Variants in ATP8A2 observed in about 807,000 individuals in gnomAD.
ATP8A2 encodes the protein phospholipid-transporting ATPase IB.
ATP8A2 carries 100 observed loss-of-function variants against 165.6 expected under a neutral mutation model. That is an observed-to-expected ratio of 0.60 (90% CI 0.51 to 0.71). The LOEUF (loss-of-function observed/expected upper bound fraction) is 0.71. ATP8A2 is among the 30% of genes least tolerant of loss of function. The pLI, the probability that ATP8A2 is intolerant of heterozygous loss-of-function variation, is 0.00. For synonymous variants in ATP8A2, 543 were observed against 548.8 expected (o/e 0.99, Z 0.15); for missense variants, 1,227 against 1,479.5 (o/e 0.83, Z 2.80).
intron 33 of ATP8A2, among the ~76,000 whole-genome samples, chr13:25,877,455 T>C (rs1266780878): frequency 6.6e-6 from 1 of 152,242 alleles, no homozygotes; most frequent in East Asian, 1.9e-4. Flanking sequence ...TTTTTGTGAC[T>C]TCTCCATGTT....
intron 13 of ATP8A2, among the ~76,000 whole-genome samples, chr13:25,558,331 A>C (rs373244950): frequency 2.6e-5 from 4 of 152,106 alleles, no homozygotes; most frequent in African/African-American, 9.7e-5. Context: ...TTAAAGTATA[A>C]ATTAGCCCTA....
chr13:25,401,708 A>C (rs889718924), intron 1 of ATP8A2, among the ~76,000 whole-genome samples: 1 of 152,200 alleles, frequency 6.6e-6, no homozygotes, highest in Non-Finnish European at 1.5e-5. Flanking sequence ...CTCGGATGGT[A>C]CCGAAATCTA....
At chr13:25,641,313 T>C (rs2041514345) in intron 24 of ATP8A2, among the ~76,000 whole-genome samples, 3 of 152,152 alleles carry the variant, frequency 2.0e-5, no homozygotes, top group African/African-American at 7.2e-5. Flanking sequence ...GGAAGTCAAA[T>C]TGCCCCTGTT....
At chr13:25,527,787 G>A (rs956613194) in intron 2 of ATP8A2, among the ~76,000 whole-genome samples, 7 of 152,102 alleles carry the variant, frequency 4.6e-5, no homozygotes, top group Admixed American at 4.6e-4. Flanking sequence ...AGGTCCTTAA[G>A]CACAGTCAGC....
At chr13:25,974,168 T>G (rs1955973643) in intron 35 of ATP8A2, among the ~76,000 whole-genome samples, 1 of 152,248 alleles carries the variant, frequency 6.6e-6, no homozygotes. Flanking sequence ...TATTAACTTC[T>G]CTGAACTTCA....
intron 29 of ATP8A2, among the ~76,000 whole-genome samples, chr13:25,838,332 C>T (rs1951672910): frequency 6.6e-6 from 1 of 152,184 alleles, no homozygotes; most frequent in Non-Finnish European, 1.5e-5. Flanking sequence ...AGGGAAGAAA[C>T]AGAAGGGCTC....
At chr13:25,599,423 G>C (rs2040323343) in intron 24 of ATP8A2, among the ~76,000 whole-genome samples, 1 of 152,186 alleles carries the variant, frequency 6.6e-6, no homozygotes, top group South Asian at 2.1e-4. Flanking sequence ...TTGTCTTCCT[G>C]TGTTGCCTGT....
Position 25,837,148 on chromosome 13 carries a change from T to A in ATP8A2, c.2755-15T>A. The A allele has an allele frequency of 6.2e-7, 1 of 1,610,864 alleles. No homozygotes were observed. Among genetic ancestry groups the A allele is most frequent in the Non-Finnish European group, 8.5e-7 (1 of 1,178,600 alleles). ...CCGAAGGGCTGCTTTTAATGGCTCA[T>A]TGTTCTCCCTGCAGATTTTCACCGC... On this transcript the variant is annotated splice_polypyrimidine_tract_variant and intron_variant, in intron 28 of 36. Transcript: ENST00000381655.
At chr13:25,579,541 A>G (rs1204634411) in intron 21 of ATP8A2, among the ~76,000 whole-genome samples, 2 of 152,078 alleles carry the variant, frequency 1.3e-5, no homozygotes, top group African/African-American at 4.8e-5. Context: ...TGGATCATGC[A>G]CAGCTCCCGA....
chr13:25,732,456 A>G (rs901358824), intron 25 of ATP8A2, among the ~76,000 whole-genome samples: 4 of 152,244 alleles, frequency 2.6e-5, no homozygotes, highest in South Asian at 2.1e-4. Flanking sequence ...CTGAAATTCT[A>G]TGTATTATTT....
chr13:25,908,463 G>C (rs1171787026), intron 33 of ATP8A2, among the ~76,000 whole-genome samples: 1 of 152,238 alleles, frequency 6.6e-6, no homozygotes, highest in Non-Finnish European at 1.5e-5. Flanking sequence ...ATGAAGCCGA[G>C]ATTGTTCTTC....
intron 31 of ATP8A2, 135 bp downstream of exon 31, chr13:25,860,391 C>T (rs962677461): frequency 6.0e-5 from 34 of 568,842 alleles, no homozygotes; most frequent in Non-Finnish European, 9.6e-5. Context: ...ATATATCCTT[C>T]AAAGTTCAGA....
At chr13:25,880,861 A>G (rs1271756088) in intron 33 of ATP8A2, 2 of 452,000 alleles carry the variant, frequency 4.4e-6, no homozygotes, top group Admixed American at 4.8e-5. Flanking sequence ...TCATTTTACC[A>G]GTTTCTTGAT....
Position 25,903,244 on chromosome 13 carries a change from T to G in ATP8A2, c.3183+40836T>G, listed in dbSNP as rs187805412. On this transcript the variant is annotated intron_variant, in intron 33 of 36. Transcript: ENST00000381655. ...CTTGACTTTTCTCTCTCCCACAGTCTCCATACGCAAACAGCCCCCAGATAT... is the reference window on the plus strand; with the variant it reads ...CTTGACTTTTCTCTCTCCCACAGTCGCCATACGCAAACAGCCCCCAGATAT... 9.8e-4 allele frequency among the ~76,000 whole-genome samples: 149 copies of G among 152,222 alleles called. 4 individuals carry two copies. In the East Asian group the frequency reaches 0.025, roughly 25 times the overall value.
Position 25,553,910 on chromosome 13 carries a change from T to G in ATP8A2, c.1175T>G (p.Phe392Cys). ...GTTGTGAAGTATACTCAAGCCCTTT[T>G]CATAAACTGGGTGAGTATTAAAGCA... Reference protein sequence around the residue: ...LEVVKYTQALFINWDTDMYYI... With the variant: ...LEVVKYTQALCINWDTDMYYI... Residue 392 changes from phenylalanine (F) to cysteine (C), a missense_variant, in exon 12 of 37, where the codon TTC becomes TGC. By Grantham distance (205) the Phe-to-Cys change is radical. This residue lies in a region of ATP8A2 where 592 missense variants were observed against 785.6 expected (regional missense o/e 0.75). Transcript: ENST00000381655. 6.2e-7 allele frequency: 1 copy of G among 1,613,348 alleles called. No homozygotes were observed. Among genetic ancestry groups the G allele is most frequent in the Non-Finnish European group, 8.5e-7 (1 of 1,179,632 alleles).
At chr13:25,584,485 T>C (rs1431565443) in intron 23 of ATP8A2, among the ~76,000 whole-genome samples, 1 of 151,650 alleles carries the variant, frequency 6.6e-6, no homozygotes, top group Non-Finnish European at 1.5e-5. Context: ...CTAGCAGTTC[T>C]CCTTCTAGAT....
intron 1 of ATP8A2, among the ~76,000 whole-genome samples, chr13:25,435,158 T>A (rs1015023727): frequency 6.6e-6 from 1 of 151,938 alleles, no homozygotes; most frequent in Non-Finnish European, 1.5e-5. Context: ...TTTTGCTTTT[T>A]TGCCCAGGCC....
intron 28 of ATP8A2, among the ~76,000 whole-genome samples, chr13:25,834,983 CGTGTGT>C (rs61614959): frequency 6.7e-6 from 1 of 149,536 alleles, no homozygotes; most frequent in Admixed American, 6.6e-5. Context: ...TGATCCCTAA[CGTGTGT>C]GTGTGTGTGT....
intron 2 of ATP8A2, among the ~76,000 whole-genome samples, chr13:25,481,037 TCA>T (rs1374901489): frequency 6.6e-6 from 1 of 152,188 alleles, no homozygotes; most frequent in Admixed American, 6.5e-5. Flanking sequence ...GCGCCTGCAA[TCA>T]CAGGCACTAG....
Sources: allele counts gnomAD v4.1 joint callset (sites outside exome capture counted in the v4.1 genomes callset), GRCh38; gene constraint gnomAD v4.1.1; regional missense constraint gnomAD v4.1.1; transcripts MANE v1.5; gene names NCBI Gene and HGNC (gene_info 2026-07-23, HGNC 2026-07-21).